WDR70: variants seen among roughly 807,000 people sequenced by gnomAD.
WDR70 encodes the protein WD repeat domain 70.
In WDR70, 53 loss-of-function variants were observed where a neutral mutation model predicts 88.6. That is an observed-to-expected ratio of 0.60 (90% CI 0.48 to 0.75). The LOEUF is 0.75. WDR70 is among the 30% of genes least tolerant of loss of function. WDR70 has a pLI of 0.00. For missense variants in WDR70, 610 were observed against 823.2 expected, an observed-to-expected ratio of 0.74 and a Z score of 3.17; for synonymous variants, 280 against 270.0, an observed-to-expected ratio of 1.04 and a Z score of -0.36.
chr5:37,410,193 G>GTTTTTTTTTT (rs952637754), intron 5 of WDR70, among the ~76,000 whole-genome samples: 35 of 119,438 alleles, frequency 2.9e-4, no homozygotes, highest in Non-Finnish European at 3.4e-4. Context: ...GAGTTTGTTA[G>GTTTTTTTTTT]TTTTTTTTTT....
chr5:37,445,639 G>A (rs1040410858), intron 7 of WDR70, among the ~76,000 whole-genome samples: 5 of 152,074 alleles, frequency 3.3e-5, no homozygotes, highest in Admixed American at 6.6e-5. Context: ...CTCAACATAC[G>A]CAAATCAATA....
chr5:37,726,010 A>G (rs1747959798), intron 16 of WDR70, among the ~76,000 whole-genome samples: 2 of 152,080 alleles, frequency 1.3e-5, no homozygotes, highest in African/African-American at 4.8e-5. Context: ...CCTGTCCCCA[A>G]ATACCCATTG....
At chr5:37,675,196 T>G (rs1746163838) in intron 10 of WDR70, among the ~76,000 whole-genome samples, 1 of 152,046 alleles carries the variant, frequency 6.6e-6, no homozygotes, top group South Asian at 2.1e-4. Flanking sequence ...CTGTTCACTC[T>G]GATGGTAGTT....
At chr5:37,632,728 T>C (rs1215158107) in intron 10 of WDR70, among the ~76,000 whole-genome samples, 1 of 152,158 alleles carries the variant, frequency 6.6e-6, no homozygotes, top group African/African-American at 2.4e-5. Flanking sequence ...TAAGCTACAG[T>C]TAATTTATTA....
At chr5:37,615,123 T>C (rs1744299236) in intron 10 of WDR70, among the ~76,000 whole-genome samples, 1 of 151,920 alleles carries the variant, frequency 6.6e-6, no homozygotes, top group Non-Finnish European at 1.5e-5. Flanking sequence ...TATGTAAATA[T>C]AGTTGAGGAA....
At chr5:37,548,565 G>A (rs1422099916) in intron 9 of WDR70, among the ~76,000 whole-genome samples, 1 of 152,044 alleles carries the variant, frequency 6.6e-6, no homozygotes, top group Non-Finnish European at 1.5e-5. Context: ...TGGGTAGTTT[G>A]CAAGTATTTT....
intron 10 of WDR70, among the ~76,000 whole-genome samples, chr5:37,639,831 A>G (rs187494580): frequency 5.3e-4 from 80 of 152,336 alleles, no homozygotes; most frequent in African/African-American, 1.9e-3. Context: ...AATTGCCTAT[A>G]TCATATTAAA....
intron 4 of WDR70, among the ~76,000 whole-genome samples, chr5:37,392,590 C>T (rs145284587): frequency 2.3e-4 from 35 of 151,970 alleles, no homozygotes; most frequent in African/African-American, 7.5e-4. Flanking sequence ...ATGATCTGTC[C>T]GCCTCATTCT....
chr5:37,417,728 G>T (rs185221565), intron 5 of WDR70, among the ~76,000 whole-genome samples: 2 of 152,166 alleles, frequency 1.3e-5, no homozygotes, highest in East Asian at 3.9e-4. Flanking sequence ...CTTATTCTTT[G>T]TAGAGGTGGA....
chr5:37,461,264 G>A (rs542889996), intron 7 of WDR70, among the ~76,000 whole-genome samples: 3 of 152,062 alleles, frequency 2.0e-5, no homozygotes, highest in South Asian at 2.1e-4. Flanking sequence ...CTTCACAACC[G>A]CTTATTATTT....
intron 5 of WDR70, among the ~76,000 whole-genome samples, chr5:37,409,186 G>A (rs1185839467): frequency 1.3e-5 from 2 of 152,022 alleles, no homozygotes; most frequent in African/African-American, 2.4e-5. Flanking sequence ...TGATCCACCC[G>A]CCTCGGCCTC....
chr5:37,385,768 G>T (rs1385080544), intron 3 of WDR70, among the ~76,000 whole-genome samples: 1 of 151,686 alleles, frequency 6.6e-6, no homozygotes, highest in African/African-American at 2.4e-5. Flanking sequence ...AAGGGTTTCA[G>T]AAGCTCTGTG....
At chr5:37,553,876 C>T (rs747419714) in intron 9 of WDR70, among the ~76,000 whole-genome samples, 14 of 152,142 alleles carry the variant, frequency 9.2e-5, no homozygotes, top group South Asian at 2.1e-4. Context: ...TGGGATTGTG[C>T]GAGCATTAAT....
At chr5:37,564,718 G>A (rs962929640) in intron 9 of WDR70, among the ~76,000 whole-genome samples, 5 of 152,140 alleles carry the variant, frequency 3.3e-5, no homozygotes, top group Admixed American at 2.0e-4. Flanking sequence ...TTCCTAAGAT[G>A]AAATTGTGAG....
intron 13 of WDR70, among the ~76,000 whole-genome samples, chr5:37,712,644 T>C (rs757419109): frequency 1.3e-5 from 2 of 152,220 alleles, no homozygotes; most frequent in African/African-American, 2.4e-5. Flanking sequence ...TGATGTGATA[T>C]AGTACTTATC....
At chr5:37,578,711 T>G (rs1743128173) in intron 9 of WDR70, among the ~76,000 whole-genome samples, 1 of 152,212 alleles carries the variant, frequency 6.6e-6, no homozygotes, top group Non-Finnish European at 1.5e-5. Context: ...TAGACTCTGT[T>G]CTCAAAGAGT....
At chr5:37,512,874 C>G (rs570339060) in intron 8 of WDR70, among the ~76,000 whole-genome samples, 1 of 152,010 alleles carries the variant, frequency 6.6e-6, no homozygotes, top group African/African-American at 2.4e-5. Flanking sequence ...CATGTGGCAC[C>G]GCACCCAGCC....
At chr5:37,483,266 T>C (rs1739731573) in intron 8 of WDR70, among the ~76,000 whole-genome samples, 1 of 151,916 alleles carries the variant, frequency 6.6e-6, no homozygotes, top group South Asian at 2.1e-4. Context: ...GCAGTGTTTG[T>C]GTCCCTGGGT....
chr5:37,706,328 C>G (rs374651774), intron 13 of WDR70, among the ~76,000 whole-genome samples: 1 of 152,098 alleles, frequency 6.6e-6, no homozygotes, highest in South Asian at 2.1e-4. Flanking sequence ...TTAGACATTC[C>G]CTTGTAGTCT....
Sources: allele counts gnomAD v4.1 joint callset (sites outside exome capture counted in the v4.1 genomes callset), GRCh38; gene constraint gnomAD v4.1.1; transcripts MANE v1.5; gene names NCBI Gene and HGNC (gene_info 2026-07-23, HGNC 2026-07-21).